DTNBP1: variants seen among roughly 807,000 people sequenced by gnomAD.
The protein encoded by DTNBP1 is dystrobrevin binding protein 1, also known as dysbindin.
A neutral mutation model predicts 42.8 loss-of-function variants in DTNBP1; 35 were observed. The ratio of observed to expected loss-of-function variants is 0.82; its 90% CI spans 0.63 to 1.09. The LOEUF is 1.09. DTNBP1 is among the 50% of genes least tolerant of loss of function. The pLI is 0.00. For missense variants in DTNBP1, 457 were observed against 424.2 expected (o/e 1.08, Z -0.68); for synonymous variants, 171 against 162.2 (o/e 1.05, Z -0.41).
intron 7 of DTNBP1, among the ~76,000 whole-genome samples, chr6:15,573,442 GGTCA>G (rs1187768978): frequency 6.6e-6 from 1 of 152,086 alleles, no homozygotes; most frequent in East Asian, 1.9e-4. Flanking sequence ...AACAGAGTAT[GGTCA>G]GTCTATAAAC....
At chr6:15,583,099 GCCTCT>G (rs1775908421) in intron 7 of DTNBP1, among the ~76,000 whole-genome samples, 1 of 152,124 alleles carries the variant, frequency 6.6e-6, no homozygotes, top group South Asian at 2.1e-4. Context: ...TTCCACCTCA[GCCTCT>G]CAAGTAGGTA....
intron 1 of DTNBP1, among the ~76,000 whole-genome samples, chr6:15,661,083 CA>C (rs1204770106): frequency 2.0e-5 from 3 of 152,236 alleles, no homozygotes; most frequent in African/African-American, 7.2e-5. Context: ...ATGATTGACG[CA>C]TGGTAAGTGC....
intron 3 of DTNBP1, among the ~76,000 whole-genome samples, chr6:15,649,797 T>G (rs1200716582): frequency 6.6e-6 from 1 of 152,174 alleles, no homozygotes; most frequent in Non-Finnish European, 1.5e-5. Flanking sequence ...GGATGTAAAT[T>G]TTCTATATTA....
intron 9 of DTNBP1, 124 bp from the exon 10 acceptor site, chr6:15,523,343 G>A (rs1411734838): frequency 7.1e-7 from 1 of 1,403,254 alleles, no homozygotes; most frequent in Non-Finnish European, 9.8e-7. Flanking sequence ...CAGGCACCTG[G>A]GGCCTGCAGA....
chr6:15,626,055 T>A (rs1182848954), intron 5 of DTNBP1, among the ~76,000 whole-genome samples: 1 of 152,166 alleles, frequency 6.6e-6, no homozygotes, highest in African/African-American at 2.4e-5. Context: ...AGAATACAGT[T>A]CATAGAGACC....
At chr6:15,618,082 C>A (rs577035735) in intron 5 of DTNBP1, among the ~76,000 whole-genome samples, 1 of 152,186 alleles carries the variant, frequency 6.6e-6, no homozygotes, top group Non-Finnish European at 1.5e-5. Context: ...AACCTCCATA[C>A]TATTTTTCAT....
At chr6:15,633,528 T>C (rs1759814894) in intron 4 of DTNBP1, among the ~76,000 whole-genome samples, 1 of 152,196 alleles carries the variant, frequency 6.6e-6, no homozygotes. Context: ...GAACTCGAAT[T>C]AGAAGTGGAG....
intron 7 of DTNBP1, among the ~76,000 whole-genome samples, chr6:15,563,480 T>G (rs1402599968): frequency 6.6e-6 from 1 of 152,270 alleles, no homozygotes; most frequent in East Asian, 1.9e-4. Context: ...AGCCACTTCC[T>G]TATAACCTAA....
At chr6:15,647,520 TTTAAA>T (rs1257140923) in intron 3 of DTNBP1, among the ~76,000 whole-genome samples, 1 of 151,308 alleles carries the variant, frequency 6.6e-6, no homozygotes, top group Non-Finnish European at 1.5e-5. Flanking sequence ...GATAAACCAA[TTTAAA>T]TTATCAAAAT....
chr6:15,592,705 A>C (rs1776348645), intron 7 of DTNBP1, among the ~76,000 whole-genome samples: 1 of 152,196 alleles, frequency 6.6e-6, no homozygotes, highest in Non-Finnish European at 1.5e-5. Context: ...CTGCAAGGTC[A>C]ATTACAGGGG....
intron 6 of DTNBP1, among the ~76,000 whole-genome samples, chr6:15,607,380 C>T (rs142406962): frequency 1.2e-4 from 19 of 152,302 alleles, no homozygotes; most frequent in African/African-American, 4.6e-4. Context: ...TGGCTCACTG[C>T]AACCTCCACC....
At chr6:15,662,713 C>G (rs2113843003) in intron 1 of DTNBP1, 101 bp downstream of exon 1, 1 of 1,515,110 alleles carries the variant, frequency 6.6e-7, no homozygotes, top group African/African-American at 1.4e-5. Context: ...CGGGACAGGA[C>G]GGACCCTGGA....
chr6:15,593,015 T>G (rs749332778), intron 7 of DTNBP1, 44 bp downstream of exon 7: 16 of 1,554,462 alleles, frequency 1.0e-5, no homozygotes, highest in African/African-American at 1.4e-5. Flanking sequence ...CTGATACCAA[T>G]GAACTCTCAA....
chr6:15,646,582 C>A (rs1237592890), intron 3 of DTNBP1, among the ~76,000 whole-genome samples: 1 of 151,734 alleles, frequency 6.6e-6, no homozygotes, highest in Admixed American at 6.6e-5. Flanking sequence ...GCAAAAAGAA[C>A]AAATCTAGAA....
intron 1 of DTNBP1, 80 bp downstream of exon 1, chr6:15,662,734 G>T: frequency 6.3e-7 from 1 of 1,584,474 alleles, no homozygotes; most frequent in South Asian, 1.1e-5. Context: ...CCGTGGCGCG[G>T]GGAAGGGAGC....
chr6:15,649,429 C>T (rs1760862072), intron 3 of DTNBP1, among the ~76,000 whole-genome samples: 1 of 152,010 alleles, frequency 6.6e-6, no homozygotes, highest in Non-Finnish European at 1.5e-5. Context: ...TATAATTGCA[C>T]TTATATGATG....
chr6:15,559,567 C>T (rs2113466477), intron 7 of DTNBP1, among the ~76,000 whole-genome samples: 1 of 152,272 alleles, frequency 6.6e-6, no homozygotes, highest in African/African-American at 2.4e-5. Context: ...CTCACGGTCA[C>T]TGTTTGGTGG....
chr6:15,623,427 T>C (rs1759156329), intron 5 of DTNBP1, among the ~76,000 whole-genome samples: 1 of 152,196 alleles, frequency 6.6e-6, no homozygotes. Context: ...CTCAATCCTG[T>C]AATGCCAGAG....
intron 7 of DTNBP1, among the ~76,000 whole-genome samples, chr6:15,546,453 T>C (rs913432643): frequency 2.0e-5 from 3 of 152,160 alleles, no homozygotes; most frequent in Non-Finnish European, 4.4e-5. Flanking sequence ...ATCTTGTTTT[T>C]AGTATAATTA....
Sources: gnomAD v4.1 joint callset for allele counts (sites outside exome capture counted in the v4.1 genomes callset) on GRCh38, gnomAD v4.1.1 for gene constraint, MANE v1.5 for transcripts, NCBI Gene and HGNC (gene_info 2026-07-23, HGNC 2026-07-21) for gene names.